Variants in STXBP6 observed in about 807,000 individuals in gnomAD.
The protein encoded by STXBP6 is syntaxin-binding protein 6.
STXBP6 carries 21 observed loss-of-function variants against 26.9 expected under a neutral mutation model. The observed-to-expected ratio is 0.78, with a 90% CI of 0.55 to 1.12. The LOEUF is 1.12. STXBP6 is among the 50% of genes most tolerant of loss of function. STXBP6 has a pLI of 0.00. For synonymous variants in STXBP6, 97 were observed against 92.6 expected (o/e 1.05, Z -0.27); for missense variants, 232 against 257.9 (o/e 0.90, Z 0.69).
At chr14:24,926,122 G>T (rs1435302080) in intron 2 of STXBP6, among the ~76,000 whole-genome samples, 1 of 152,072 alleles carries the variant, frequency 6.6e-6, no homozygotes, top group Non-Finnish European at 1.5e-5. Context: ...TTGGCAAGGG[G>T]ACTTTAAGCT....
chr14:24,981,466 C>T (rs1413271152), intron 1 of STXBP6, among the ~76,000 whole-genome samples: 1 of 152,102 alleles, frequency 6.6e-6, no homozygotes, highest in Non-Finnish European at 1.5e-5. Context: ...GATGGGGTTT[C>T]ACCATGTTGG....
At chr14:24,977,541 G>A in intron 1 of STXBP6, among the ~76,000 whole-genome samples, 1 of 152,028 alleles carries the variant, frequency 6.6e-6, no homozygotes. Context: ...TGATTTCTGG[G>A]TAAATCTCTT....
chr14:25,004,959 T>C lies in STXBP6; in HGVS notation c.-32-30109A>G, dbSNP rs564417375. 6.6e-5 allele frequency among the ~76,000 whole-genome samples: 10 copies of C among 152,306 alleles called. No individual in the cohort carries two copies. The South Asian group carries it at 2.1e-3, about 32-fold the overall frequency. ...GAAACAACCAGGTCCAGTAAACTGA[T>C]GAAGACAGATCCCAGCTCTGAAACT... On this transcript the variant is annotated intron_variant, in intron 1 of 5. Coordinates refer to ENST00000323944, the MANE Select transcript of STXBP6 (RefSeq NM_001394410.1).
chr14:24,975,651 A>G (rs2074025573), intron 1 of STXBP6, among the ~76,000 whole-genome samples: 1 of 152,216 alleles, frequency 6.6e-6, no homozygotes, highest in South Asian at 2.1e-4. Flanking sequence ...ATAATTAAGA[A>G]AATAAAGCAG....
chr14:24,809,662 CAG>C lies in STXBP6; in HGVS notation c.*3045_*3046del, dbSNP rs1391394651. 1.3e-5 allele frequency: 2 copies of C among 152,272 alleles called. No homozygotes were observed. Among genetic ancestry groups the C allele is most frequent in the East Asian group, 3.9e-4 (2 of 5,180 alleles). 9.4% of individuals were successfully genotyped at this position (152,272 alleles called of 1,614,324 possible). A position where few individuals can be genotyped will look rare whatever the true frequency, so the allele number is the denominator to read the frequency against. On this transcript the variant is annotated 3_prime_UTR_variant, in exon 6 of 6. Coordinates refer to ENST00000323944, the MANE Select transcript of STXBP6 (RefSeq NM_001394410.1). ...TAACTGCAAGAAACAAATTTCATCA[CAG>C]AGTTAAAATATTTAATGACAAAATT...
chr14:24,857,361 T>G (rs1014800981), intron 2 of STXBP6, among the ~76,000 whole-genome samples: 2 of 152,140 alleles, frequency 1.3e-5, no homozygotes, highest in South Asian at 2.1e-4. Flanking sequence ...ATCTCCACTC[T>G]GAAGCAGTTT....
rs540119051 is a variant in STXBP6, at chr14:25,034,851, C to A, written c.-33+15027G>T. Among the ~76,000 whole-genome samples, 3 of 152,250 alleles carry A rather than the reference C, an allele frequency of 2.0e-5. No individual in the cohort carries two copies. The Middle Eastern group carries it at 0.01, about 518-fold the overall frequency. On this transcript the variant is annotated intron_variant, in intron 1 of 5. Transcript: ENST00000323944. Reference sequence around the variant, plus strand: ...CCTAAACCAAGAAGCTTATTAAAAACTTCTTAGAAAACTTCTTGGCCGGGT... The same window carrying A: ...CCTAAACCAAGAAGCTTATTAAAAAATTCTTAGAAAACTTCTTGGCCGGGT...
chr14:24,855,978 T>C lies in STXBP6; in HGVS notation c.409A>G (p.Arg137Gly). The C allele has an allele frequency of 6.2e-7, 1 of 1,608,380 alleles. No homozygotes were observed. The highest frequency in any genetic ancestry group is 8.5e-7 in the Non-Finnish European group (1 of 1,177,578). The change falls in exon 4 of 6, where the codon AGG (arginine) becomes GGG (glycine). Residue 137 changes from arginine (R) to glycine (G), a missense_variant. Arg to Gly is a moderately radical substitution (Grantham distance 125). Coordinates refer to ENST00000323944, the MANE Select transcript of STXBP6 (RefSeq NM_001394410.1). ...TGGCAGTTAATAAACTCTGGCTTCCTGTCCGTGAGGTACCTCTGGCAGGTA... is the reference window on the plus strand; with the variant it reads ...TGGCAGTTAATAAACTCTGGCTTCCCGTCCGTGAGGTACCTCTGGCAGGTA... ...HHTCQRYLTD[R>G]KPEFINCQSK...
chr14:24,863,229 T>C lies in STXBP6; in HGVS notation c.155-6072A>G, dbSNP rs1375000748. ...AGACTAGGACCACGATATGGTTTTA[T>C]TATAATGGATACAGAGTGCTAACTG... On this transcript the variant is annotated intron_variant, in intron 2 of 5. Transcript: ENST00000323944. Among the ~76,000 whole-genome samples the C allele has an allele frequency of 2.0e-5, 3 of 152,288 alleles. No individual in the cohort carries two copies. The East Asian group carries it at 5.8e-4, about 29-fold the overall frequency.
intron 4 of STXBP6, among the ~76,000 whole-genome samples, chr14:24,828,814 T>C (rs926545076): frequency 4.6e-5 from 7 of 152,316 alleles, no homozygotes; most frequent in Non-Finnish European, 8.8e-5. Context: ...TGCCTGTATG[T>C]TCACAATAAT....
chr14:24,833,699 A>AT lies in STXBP6; in HGVS notation c.452-14506dup, dbSNP rs569947916. ...GCAAATAAAATTGCAGTTATGCAGCATTTTTTTTAATTTGGGAGGATTTAA... is the reference window on the plus strand; with the variant it reads ...GCAAATAAAATTGCAGTTATGCAGCATTTTTTTTTAATTTGGGAGGATTTAA... On this transcript the variant is annotated intron_variant, in intron 4 of 5. Transcript: ENST00000323944. Among the ~76,000 whole-genome samples the AT allele has an allele frequency of 3.2e-4, 48 of 152,192 alleles. No individual in the cohort carries two copies. The South Asian group carries it at 6.8e-3, about 22-fold the overall frequency.
chr14:24,858,394 C>A (rs1321107093), intron 2 of STXBP6, among the ~76,000 whole-genome samples: 2 of 152,086 alleles, frequency 1.3e-5, no homozygotes, highest in Non-Finnish European at 2.9e-5. Context: ...ACCTTTATGG[C>A]CTGAGTACTA....
At chr14:24,880,749 A>G (rs2070327289) in intron 2 of STXBP6, among the ~76,000 whole-genome samples, 1 of 152,206 alleles carries the variant, frequency 6.6e-6, no homozygotes, top group South Asian at 2.1e-4. Flanking sequence ...TGATGAGAAC[A>G]TGTCATGAAC....
At chr14:24,817,805 A>G (rs8007588) in intron 5 of STXBP6, 144,883 of 327,564 alleles carry the variant, frequency 0.44, 34,196 homozygotes, top group African/African-American at 0.68. Flanking sequence ...AGATAGATCT[A>G]GCCAATTCTC....
chr14:24,851,935 G>C (rs1030510217), intron 4 of STXBP6, among the ~76,000 whole-genome samples: 1 of 152,106 alleles, frequency 6.6e-6, no homozygotes, highest in Non-Finnish European at 1.5e-5. Flanking sequence ...TTTAAAAGCT[G>C]TTGGAACCCC....
At chr14:24,882,214 C>G (rs2070385593) in intron 2 of STXBP6, among the ~76,000 whole-genome samples, 1 of 149,930 alleles carries the variant, frequency 6.7e-6, no homozygotes. Context: ...CCCGTCTCTA[C>G]TAAAAATACA....
intron 4 of STXBP6, among the ~76,000 whole-genome samples, chr14:24,822,680 C>G (rs549539842): frequency 2.2e-4 from 33 of 152,172 alleles, no homozygotes; most frequent in African/African-American, 7.5e-4. Flanking sequence ...CCTCCACCCC[C>G]CTTAAGACTA....
intron 2 of STXBP6, among the ~76,000 whole-genome samples, chr14:24,970,288 A>G (rs1243162318): frequency 6.6e-6 from 1 of 152,186 alleles, no homozygotes; most frequent in Non-Finnish European, 1.5e-5. Context: ...TATATAATAA[A>G]ATACAACCAC....
At chr14:25,006,670 G>A (rs986658040) in intron 1 of STXBP6, among the ~76,000 whole-genome samples, 10 of 152,142 alleles carry the variant, frequency 6.6e-5, no homozygotes, top group African/African-American at 1.4e-4. Context: ...AGGGGTTCAC[G>A]TCCAAGCTGG....
Sources: gnomAD v4.1 joint callset for allele counts (sites outside exome capture counted in the v4.1 genomes callset) on GRCh38, gnomAD v4.1.1 for gene constraint, MANE v1.5 for transcripts, NCBI Gene and HGNC (gene_info 2026-07-23, HGNC 2026-07-21) for gene names.